Variants in STRIP2 observed in about 807,000 individuals in gnomAD.
The protein encoded by STRIP2 is striatin-interacting protein 2.
Under a neutral mutation model 107.1 loss-of-function variants are expected in STRIP2, and 84 were observed. The ratio of observed to expected loss-of-function variants is 0.78; its 90% CI spans 0.66 to 0.94. STRIP2 has a LOEUF of 0.94. STRIP2 is among the 40% of genes least tolerant of loss of function. STRIP2 has a pLI of 0.00. For synonymous variants in STRIP2, 394 were observed against 400.4 expected (o/e 0.98, Z 0.19); for missense variants, 888 against 1,034.2 (o/e 0.86, Z 1.94).
At chr7:129,453,142 G>A (rs1481083826) in intron 4 of STRIP2, 85 bp from the exon 5 acceptor site, 2 of 1,570,822 alleles carry the variant, frequency 1.3e-6, no homozygotes, top group Non-Finnish European at 1.7e-6. Flanking sequence ...AGTATTATAG[G>A]AAAATCTTAA....
rs1285021920 is a variant in STRIP2 at position 129,485,581 on chromosome 7, A to G, written c.2257A>G (p.Ile753Val). 5 of 1,613,846 alleles carry G rather than the reference A, an allele frequency of 3.1e-6. No homozygotes were observed. Among genetic ancestry groups the G allele is most frequent in the Admixed American group, 1.7e-5 (1 of 59,978 alleles). Reference protein sequence around the residue: ...MNDDWAYGNDIDARPWDFQAE... With the variant: ...MNDDWAYGNDVDARPWDFQAE... Reference sequence around the variant, plus strand: ...TTCTTCCTCTCTTTCCAACACAGACATCGATGCCAGACCATGGGACTTCCA... The same window carrying G: ...TTCTTCCTCTCTTTCCAACACAGACGTCGATGCCAGACCATGGGACTTCCA... The change falls in exon 21 of 21, where the codon ATC becomes GTC. Residue 753 changes from isoleucine (I) to valine (V), a missense_variant and splice_region_variant. Ile to Val is a conservative substitution (Grantham distance 29, BLOSUM62 3). Coordinates refer to ENST00000249344, the MANE Select transcript of STRIP2 (RefSeq NM_020704.3).
rs1799177033 is a variant in STRIP2, at chr7:129,483,445, G to A, written c.2254+399G>A. ...TATATTTATGCCATATTTGTACTAT[G>A]CAGAAATTGCCACCATTAACATCTT... On this transcript the variant is annotated intron_variant, in intron 20 of 20. Transcript: ENST00000249344. This position sits in a 1 kb window ranked among gnomAD's most constrained non-coding sequence, Gnocchi z 5.1. 1.8e-6 allele frequency: 1 copy of A among 549,860 alleles called. No individual in the cohort carries two copies. Among genetic ancestry groups the A allele is most frequent in the Non-Finnish European group, 2.3e-6 (1 of 427,288 alleles). The allele number at this position is 549,860 out of a possible 1,614,324, so 34.1% of individuals were successfully genotyped here.
In STRIP2 at chr7:129,456,423, C is replaced by A; in HGVS notation, c.835-16C>A. 1 of 1,613,010 alleles carries A rather than the reference C, an allele frequency of 6.2e-7. No individual in the cohort carries two copies. The highest frequency in any genetic ancestry group is 8.5e-7 in the Non-Finnish European group (1 of 1,179,064). On this transcript the variant is annotated splice_polypyrimidine_tract_variant and intron_variant, in intron 8 of 20. Coordinates refer to ENST00000249344, the MANE Select transcript of STRIP2 (RefSeq NM_020704.3). ...TTCCTTCCTCTCTCTCTGCCCCTTT[C>A]CTGTTTCTTCCTTAGTTTACCCTCG...
intron 7 of STRIP2, 148 bp downstream of exon 7, chr7:129,454,675 A>G: frequency 1.6e-6 from 1 of 634,084 alleles, no homozygotes; most frequent in East Asian, 2.8e-5. Context: ...CAGATACTGC[A>G]TGGCAGGCAC....
Position 129,462,285 on chromosome 7 carries a change from C to T in STRIP2, c.1477-681C>T, listed in dbSNP as rs117610988. Among the ~76,000 whole-genome samples the T allele has an allele frequency of 9.2e-5, 14 of 152,290 alleles. 1 individual carries two copies. The East Asian group carries it at 2.7e-3, about 29-fold the overall frequency. The stretch of plus-strand genomic sequence containing the variant: ...GTGGGACAGAGGGAGGCGGGTTATT[C>T]TTCCCTGCCTCAGGGTCTCATGGCA... On this transcript the variant is annotated intron_variant, in intron 13 of 20. Coordinates refer to ENST00000249344, the MANE Select transcript of STRIP2 (RefSeq NM_020704.3).
intron 3 of STRIP2, 73 bp downstream of exon 3, chr7:129,444,171 C>T: frequency 8.5e-7 from 1 of 1,171,174 alleles, no homozygotes; most frequent in Non-Finnish European, 1.2e-6. Flanking sequence ...TAGTAAAAGA[C>T]TAAAACAAAG....
At chr7:129,477,631 ACTCT>A (rs1562917674) in intron 18 of STRIP2, among the ~76,000 whole-genome samples, 1 of 152,142 alleles carries the variant, frequency 6.6e-6, no homozygotes, top group African/African-American at 2.4e-5. Context: ...GAGAACCATT[ACTCT>A]CTTTTAAGCT....
Position 129,440,012 on chromosome 7 carries a change from T to C in STRIP2, c.130-10T>C. 1 of 1,613,550 alleles carries C rather than the reference T, an allele frequency of 6.2e-7. No homozygotes were observed. Among genetic ancestry groups the C allele is most frequent in the Non-Finnish European group, 8.5e-7 (1 of 1,179,532 alleles). On this transcript the variant is annotated splice_polypyrimidine_tract_variant and intron_variant, in intron 1 of 20. Coordinates refer to ENST00000249344, the MANE Select transcript of STRIP2 (RefSeq NM_020704.3). ...TTATCCCAGTTACCAACAAAATTTC[T>C]CTGTTACAGGGCTCTGTGGACTGTC...
At chr7:129,450,477 A>G (rs1048318296) in intron 3 of STRIP2, among the ~76,000 whole-genome samples, 6 of 152,162 alleles carry the variant, frequency 3.9e-5, no homozygotes, top group East Asian at 1.9e-4. Context: ...TAGTAATTTC[A>G]TGTGCCCACA....
chr7:129,483,352 C>T lies in STRIP2; in HGVS notation c.2254+306C>T. ...CTCCAAAAGATTTAAATTAAAACAACTTTTTATTATTACAAAGCAGTTAGA... is the reference window on the plus strand; with the variant it reads ...CTCCAAAAGATTTAAATTAAAACAATTTTTTATTATTACAAAGCAGTTAGA... On this transcript the variant is annotated intron_variant, in intron 20 of 20. Transcript: ENST00000249344. The surrounding 1 kb of genome is among the most constrained non-coding windows in gnomAD (Gnocchi z 5.1). 9.5e-7 allele frequency: 1 copy of T among 1,050,428 alleles called. No homozygotes were observed. The highest frequency in any genetic ancestry group is 1.2e-6 in the Non-Finnish European group (1 of 848,488). 65.1% of individuals were successfully genotyped at this position (1,050,428 alleles called of 1,614,324 possible).
At chr7:129,441,629 C>T (rs1035852238) in intron 2 of STRIP2, among the ~76,000 whole-genome samples, 1 of 152,150 alleles carries the variant, frequency 6.6e-6, no homozygotes, top group African/African-American at 2.4e-5. Flanking sequence ...GGCACACTCT[C>T]AGCTCACTAC....
chr7:129,455,219 C>A lies in STRIP2; in HGVS notation c.707-25C>A, dbSNP rs936010480. ...TTTAGCTGCCTCATCCTCACTTTCT[C>A]ACTCCCCTCTCTCCTCACCCCTAGG... On this transcript the variant is annotated intron_variant, in intron 7 of 20. Coordinates refer to ENST00000249344, the MANE Select transcript of STRIP2 (RefSeq NM_020704.3). 1.9e-6 allele frequency: 3 copies of A among 1,590,938 alleles called. No individual in the cohort carries two copies. The African/African-American group carries it at 4.1e-5, about 22-fold the overall frequency.
At chr7:129,459,177 C>G (rs933037828) in intron 11 of STRIP2, among the ~76,000 whole-genome samples, 3 of 152,170 alleles carry the variant, frequency 2.0e-5, no homozygotes, top group African/African-American at 7.2e-5. Flanking sequence ...ATCCTTCCCA[C>G]TGGCCTCTTG....
rs987420570 is a variant in STRIP2, at chr7:129,461,937, C to G, written c.1477-1029C>G. On this transcript the variant is annotated intron_variant, in intron 13 of 20. Transcript: ENST00000249344. The surrounding 1 kb of genome is among the most constrained non-coding windows in gnomAD (Gnocchi z 4.0). The stretch of plus-strand genomic sequence containing the variant: ...TCAACAAAGCAAATGGGTGTGGGAT[C>G]CTGAGCACAAGTAGGAGACTGGCCT... 1.3e-5 allele frequency among the ~76,000 whole-genome samples: 2 copies of G among 152,058 alleles called. No individual in the cohort carries two copies. Among genetic ancestry groups the G allele is most frequent in the African/African-American group, 4.8e-5 (2 of 41,378 alleles).
At chr7:129,465,059 G>A (rs1798638910) in intron 16 of STRIP2, among the ~76,000 whole-genome samples, 4 of 151,906 alleles carry the variant, frequency 2.6e-5, no homozygotes, top group Non-Finnish European at 4.4e-5. Context: ...AAAATGGGGG[G>A]GTGGGGGGAG....
intron 5 of STRIP2, 88 bp downstream of exon 5, chr7:129,453,435 GA>G (rs1798254070): frequency 6.6e-7 from 1 of 1,525,126 alleles, no homozygotes; most frequent in Non-Finnish European, 8.9e-7. Flanking sequence ...TCACTATAGA[GA>G]CCCCCTGTGA....
At chr7:129,436,751 A>G (rs1294792146) in intron 1 of STRIP2, among the ~76,000 whole-genome samples, 2 of 152,234 alleles carry the variant, frequency 1.3e-5, no homozygotes, top group Admixed American at 6.5e-5. Context: ...GAAAATCACT[A>G]GAAGAGAATT....
chr7:129,476,238 T>A (rs1371877498), intron 18 of STRIP2, among the ~76,000 whole-genome samples: 1 of 145,680 alleles, frequency 6.9e-6, no homozygotes, highest in African/African-American at 2.6e-5. Context: ...GGGCGGGGGC[T>A]GCCCCCCACC....
intron 18 of STRIP2, among the ~76,000 whole-genome samples, chr7:129,475,818 C>T (rs1045102498): frequency 5.3e-5 from 8 of 152,026 alleles, no homozygotes; most frequent in African/African-American, 1.5e-4. Context: ...CATCTTGCAC[C>T]GCCCTTAATC....
Sources: gnomAD v4.1 joint callset for allele counts (sites outside exome capture counted in the v4.1 genomes callset) on GRCh38, gnomAD v4.1.1 for gene constraint, Gnocchi (gnomAD v3.1) non-coding constraint, MANE v1.5 for transcripts, NCBI Gene and HGNC (gene_info 2026-07-23, HGNC 2026-07-21) for gene names.